Variants in TVP23C observed in about 807,000 individuals in gnomAD.
TVP23C encodes the protein Golgi apparatus membrane protein TVP23 homolog C.
TVP23C carries 19 observed loss-of-function variants against 28.7 expected under a neutral mutation model. That is an observed-to-expected ratio of 0.66 (90% CI 0.46 to 0.97). The LOEUF (loss-of-function observed/expected upper bound fraction) is 0.97, where lower values mean the gene tolerates loss of function less well. Ranked by LOEUF, TVP23C falls within the 50% of genes least tolerant of loss-of-function variation. TVP23C has a pLI of 0.00. For synonymous variants in TVP23C, 68 were observed against 81.7 expected (o/e 0.83, Z 0.90); for missense variants, 186 against 241.3 (o/e 0.77, Z 1.52).
chr17:15,503,394 G>A, intron 5 of TVP23C: 1 of 889,490 alleles, frequency 1.1e-6, no homozygotes, highest in South Asian at 2.1e-5. Context: ...GACAGAGCAA[G>A]ACCATGATAT....
At chr17:15,553,330 C>A (rs1272110012) in intron 3 of TVP23C, among the ~76,000 whole-genome samples, 1 of 151,590 alleles carries the variant, frequency 6.6e-6, no homozygotes, top group Non-Finnish European at 1.5e-5. Flanking sequence ...AAATTATATA[C>A]AACACACCTA....
chr17:15,529,388 G>A (rs1206891917), intron 5 of TVP23C, among the ~76,000 whole-genome samples: 1 of 152,060 alleles, frequency 6.6e-6, no homozygotes, highest in South Asian at 2.1e-4. Flanking sequence ...GGAGCTGGGG[G>A]TCGCAGTGAG....
At chr17:15,507,377 A>ACC in intron 5 of TVP23C, 1 of 665,572 alleles carries the variant, frequency 1.5e-6, no homozygotes, top group South Asian at 1.5e-5. Context: ...CTTTATCTTA[A>ACC]CCACTGGACC....
chr17:15,563,411 C>T, intron 1 of TVP23C, 26 bp downstream of exon 1: 2 of 1,587,650 alleles, frequency 1.3e-6, no homozygotes, highest in Non-Finnish European at 1.7e-6. Flanking sequence ...AGCCGCCACC[C>T]TCCCAGCGCG....
Position 15,538,290 on chromosome 17 carries a change from T to C in TVP23C, c.*2122A>G. 1 of 1,464,156 alleles carries C rather than the reference T, an allele frequency of 6.8e-7. No individual in the cohort carries two copies. Among genetic ancestry groups the C allele is most frequent in the Non-Finnish European group, 9.0e-7 (1 of 1,107,670 alleles). 90.7% of individuals were successfully genotyped at this position (1,464,156 alleles called of 1,614,324 possible). On this transcript the variant is annotated 3_prime_UTR_variant, in exon 6 of 6. Transcript: ENST00000518321. ...CCTTACATACAATGGCCCAATCACA[T>C]TAAAAAGTAGACATGCTAGGCTGGG...
chr17:15,559,313 T>TA (rs56346847), intron 1 of TVP23C, among the ~76,000 whole-genome samples: 6,387 of 105,094 alleles, frequency 0.061, 329 homozygotes, highest in South Asian at 0.12. Context: ...GGTACAGATT[T>TA]AAAAAAAAAA....
At chr17:15,546,845 T>C (rs1171270371) in intron 4 of TVP23C, among the ~76,000 whole-genome samples, 1 of 151,888 alleles carries the variant, frequency 6.6e-6, no homozygotes, top group Admixed American at 6.6e-5. Flanking sequence ...CCCAGTGTCT[T>C]CCCTCAAAGG....
chr17:15,512,654 T>C (rs1982049061), intron 5 of TVP23C, among the ~76,000 whole-genome samples: 1 of 152,154 alleles, frequency 6.6e-6, no homozygotes, highest in African/African-American at 2.4e-5. Context: ...TTCACGAACA[T>C]CATATATATA....
intron 3 of TVP23C, among the ~76,000 whole-genome samples, chr17:15,551,182 T>A (rs1983868705): frequency 6.6e-6 from 1 of 152,010 alleles, no homozygotes; most frequent in African/African-American, 2.4e-5. Flanking sequence ...AGTGGCGCGA[T>A]CTCGGCTCAC....
rs1983185210 is a variant in TVP23C at position 15,537,066 on chromosome 17, CAAAT to C, written c.*3342_*3345del. On this transcript the variant is annotated 3_prime_UTR_variant, in exon 6 of 6. Transcript: ENST00000518321. ...CCAATAAGACACTTATTCAATTAAA[CAAAT>C]AATCTTAAAAACTATTTTAACAATG... The C allele has an allele frequency of 9.7e-6, 2 of 205,572 alleles. No homozygotes were observed. Among genetic ancestry groups the C allele is most frequent in the East Asian group, 3.8e-4 (2 of 5,320 alleles). 12.7% of individuals were successfully genotyped at this position (205,572 alleles called of 1,614,324 possible). A position where few individuals can be genotyped will look rare whatever the true frequency, so the allele number is the denominator to read the frequency against.
At chr17:15,546,902 A>G (rs1343005024) in intron 4 of TVP23C, among the ~76,000 whole-genome samples, 157 bp downstream of exon 4, 2 of 151,718 alleles carry the variant, frequency 1.3e-5, no homozygotes, top group African/African-American at 4.8e-5. Flanking sequence ...AGACAGAAAA[A>G]TGCATTAAAT....
intron 1 of TVP23C, among the ~76,000 whole-genome samples, chr17:15,561,350 G>A (rs1056773455): frequency 2.0e-5 from 3 of 152,208 alleles, no homozygotes; most frequent in African/African-American, 7.2e-5. Context: ...TGTAATCCTA[G>A]CACTTTGGAA....
intron 5 of TVP23C, among the ~76,000 whole-genome samples, chr17:15,517,303 C>G (rs563826416): frequency 6.6e-6 from 1 of 152,224 alleles, no homozygotes; most frequent in Non-Finnish European, 1.5e-5. Context: ...CTCCCAGCAT[C>G]TAACACAGTT....
intron 3 of TVP23C, 151 bp downstream of exon 3, chr17:15,553,534 A>C: frequency 9.2e-7 from 1 of 1,081,718 alleles, no homozygotes; most frequent in East Asian, 3.1e-5. Context: ...AAAAAAAAAA[A>C]AAAAACTACA....
chr17:15,529,189 C>T (rs540935392), intron 5 of TVP23C, among the ~76,000 whole-genome samples: 185 of 152,192 alleles, frequency 1.2e-3, no homozygotes, highest in Admixed American at 2.2e-3. Context: ...CAGAGGCTCA[C>T]GCCTGTAATC....
At chr17:15,523,663 G>A (rs1347454382) in intron 5 of TVP23C, among the ~76,000 whole-genome samples, 1 of 150,026 alleles carries the variant, frequency 6.7e-6, no homozygotes, top group Non-Finnish European at 1.5e-5. Context: ...ACCCAGGCTA[G>A]AGTGCAGTGG....
In TVP23C at chr17:15,504,722, G is replaced by A. The variant is rs148534524; in HGVS notation, c.463-1490C>T. Among the ~76,000 whole-genome samples, 1,107 of 152,122 alleles carry A rather than the reference G, an allele frequency of 7.3e-3. 7 individuals are homozygous for A. The highest frequency in any genetic ancestry group is 0.015 in the Admixed American group (233 of 15,270). Reference sequence around the variant, plus strand: ...CACATTTTTAAAATTTTTTTGTAGAGACAAGGTCTCACTATTTGGCCCAGC... The same window carrying A: ...CACATTTTTAAAATTTTTTTGTAGAAACAAGGTCTCACTATTTGGCCCAGC... On this transcript the variant is annotated intron_variant, in intron 5 of 5. Transcript: ENST00000225576.
chr17:15,528,195 T>C (rs564510718), intron 5 of TVP23C, among the ~76,000 whole-genome samples: 6 of 152,374 alleles, frequency 3.9e-5, no homozygotes, highest in African/African-American at 1.4e-4. Flanking sequence ...AAGGTGAGAC[T>C]TGATTTGAGA....
chr17:15,544,146 G>T (rs1199239160), intron 5 of TVP23C, among the ~76,000 whole-genome samples: 3 of 151,614 alleles, frequency 2.0e-5, no homozygotes, highest in Non-Finnish European at 4.4e-5. Flanking sequence ...AAGATATTCA[G>T]TGAAAGAAAA....
Sources: allele counts gnomAD v4.1 joint callset (sites outside exome capture counted in the v4.1 genomes callset), GRCh38; gene constraint gnomAD v4.1.1; transcripts MANE v1.5; gene names NCBI Gene and HGNC (gene_info 2026-07-23, HGNC 2026-07-21).